Variants in MACROD2 observed in about 807,000 individuals in gnomAD.
MACROD2 encodes ADP-ribose glycohydrolase MACROD2.
MACROD2 carries 36 observed loss-of-function variants against 70.4 expected under a neutral mutation model. The observed-to-expected ratio is 0.51, with a 90% confidence interval of 0.39 to 0.68. MACROD2 has a LOEUF of 0.68. Among genes scored for constraint, MACROD2 ranks in the 30% least tolerant of loss-of-function variants. The pLI is 0.00. For missense variants in MACROD2, 496 were observed against 538.4 expected (o/e 0.92, Z 0.78); for synonymous variants, 172 against 178.8 (o/e 0.96, Z 0.30).
intron 3 of MACROD2, among the ~76,000 whole-genome samples, chr20:14,443,634 T>C (rs1046779467): frequency 1.3e-5 from 2 of 152,098 alleles, no homozygotes; most frequent in African/African-American, 4.8e-5. Context: ...GAAAGGGTAT[T>C]CAGCTTCTTT....
chr20:14,744,568 G>T (rs374150833), intron 5 of MACROD2, among the ~76,000 whole-genome samples: 1 of 151,840 alleles, frequency 6.6e-6, no homozygotes, highest in Non-Finnish European at 1.5e-5. Flanking sequence ...AGAAAATGGC[G>T]GTCATAGTTC....
Position 14,002,407 on chromosome 20 carries a change from A to G in MACROD2, c.163+3A>G, listed in dbSNP as rs758862585. The G allele has an allele frequency of 6.4e-7, 1 of 1,564,958 alleles. No homozygotes were observed. The highest frequency in any genetic ancestry group is 8.7e-7 in the Non-Finnish European group (1 of 1,149,676). On this transcript the variant is annotated splice_donor_region_variant and intron_variant, in intron 2 of 17. Coordinates refer to ENST00000684519, the MANE Select transcript of MACROD2 (RefSeq NM_001351661.2). Reference sequence around the variant, plus strand: ...GAAGGGCAAGGGCCAAAATGATGGTAAGTTTCTCGGAACATTTTTTAGGTA... The same window carrying G: ...GAAGGGCAAGGGCCAAAATGATGGTGAGTTTCTCGGAACATTTTTTAGGTA...
At chr20:15,978,589 T>TCTC (rs1221668406) in intron 13 of MACROD2, among the ~76,000 whole-genome samples, 1 of 87,862 alleles carries the variant, frequency 1.1e-5, no homozygotes, top group Non-Finnish European at 2.9e-5. Flanking sequence ...TGGGTCTCTC[T>TCTC]CTCTCTCTCT....
intron 8 of MACROD2, among the ~76,000 whole-genome samples, chr20:15,725,878 G>A (rs1468352547): frequency 2.0e-5 from 3 of 151,612 alleles, no homozygotes; most frequent in African/African-American, 4.8e-5. Flanking sequence ...TAAGTTGCAG[G>A]AACATCTGCG....
chr20:14,613,628 C>T (rs541070030), intron 4 of MACROD2, among the ~76,000 whole-genome samples: 17 of 152,196 alleles, frequency 1.1e-4, no homozygotes, highest in African/African-American at 3.9e-4. Flanking sequence ...CAGTGTTTTC[C>T]TCTGGCTCAC....
chr20:15,790,510 A>G (rs1467884805), intron 8 of MACROD2, among the ~76,000 whole-genome samples: 7 of 151,926 alleles, frequency 4.6e-5, no homozygotes, highest in Non-Finnish European at 1.0e-4. Flanking sequence ...ATAATTGAGA[A>G]GAGAAATGAG....
At chr20:14,478,225 T>C (rs1157564827) in intron 3 of MACROD2, among the ~76,000 whole-genome samples, 2 of 152,162 alleles carry the variant, frequency 1.3e-5, no homozygotes, top group Non-Finnish European at 2.9e-5. Flanking sequence ...TTGTCTTGAG[T>C]TGGGGCAAGG....
At chr20:14,971,449 G>GA (rs1016840767) in intron 5 of MACROD2, among the ~76,000 whole-genome samples, 1 of 146,208 alleles carries the variant, frequency 6.8e-6, no homozygotes, top group Non-Finnish European at 1.5e-5. Flanking sequence ...TAGGTAAAGG[G>GA]AGGGGGGGGA....
chr20:15,092,275 A>G (rs2075798178), intron 5 of MACROD2, among the ~76,000 whole-genome samples: 1 of 151,748 alleles, frequency 6.6e-6, no homozygotes, highest in African/African-American at 2.4e-5. Flanking sequence ...GTGGGTTAAC[A>G]ATAAAAATTT....
At chr20:15,970,022 T>G (rs141123186) in intron 13 of MACROD2, among the ~76,000 whole-genome samples, 3 of 152,068 alleles carry the variant, frequency 2.0e-5, no homozygotes, top group African/African-American at 7.2e-5. Context: ...TAAAAAGCTA[T>G]CTTCAAGCAC....
chr20:14,871,973 T>G (rs1568846821), intron 5 of MACROD2, among the ~76,000 whole-genome samples: 1 of 152,138 alleles, frequency 6.6e-6, no homozygotes, highest in Non-Finnish European at 1.5e-5. Flanking sequence ...AAGATCTAAC[T>G]ATGCTAAATA....
At chr20:14,470,691 G>A (rs867006933) in intron 3 of MACROD2, among the ~76,000 whole-genome samples, 1 of 152,154 alleles carries the variant, frequency 6.6e-6, no homozygotes, top group African/African-American at 2.4e-5. Context: ...ACTCTGCCCA[G>A]TTCAGACTTC....
chr20:14,251,529 A>C (rs1463710057), intron 3 of MACROD2, among the ~76,000 whole-genome samples: 1 of 152,100 alleles, frequency 6.6e-6, no homozygotes, highest in Non-Finnish European at 1.5e-5. Flanking sequence ...ACAGTCAATT[A>C]TAATATTTCT....
At chr20:14,723,734 C>T (rs372667672) in intron 5 of MACROD2, among the ~76,000 whole-genome samples, 10 of 151,700 alleles carry the variant, frequency 6.6e-5, no homozygotes, top group African/African-American at 1.9e-4. Context: ...CGGCTTTTCA[C>T]AAAAATTATG....
chr20:14,518,807 T>A lies in MACROD2; in HGVS notation c.301+25299T>A, dbSNP rs529518198. Reference sequence around the variant, plus strand: ...TATATCAGCACTCATAGGATATAATTCACATGAAATTATGCAGTTAAGAGA... The same window carrying A: ...TATATCAGCACTCATAGGATATAATACACATGAAATTATGCAGTTAAGAGA... On this transcript the variant is annotated intron_variant, in intron 4 of 17. Coordinates refer to ENST00000684519, the MANE Select transcript of MACROD2 (RefSeq NM_001351661.2). Among the ~76,000 whole-genome samples the A allele has an allele frequency of 7.9e-5, 12 of 152,274 alleles. No individual in the cohort carries two copies. In the East Asian group the frequency reaches 2.3e-3, roughly 29 times the overall value.
intron 5 of MACROD2, among the ~76,000 whole-genome samples, chr20:15,133,874 A>G (rs6043107): frequency 0.61 from 90,735 of 149,628 alleles, 27,754 homozygotes; most frequent in African/African-American, 0.69. Flanking sequence ...TAGCTGTAGT[A>G]TATACAATTA....
At chr20:15,493,993 T>C (rs2047263274) in intron 7 of MACROD2, among the ~76,000 whole-genome samples, 1 of 152,244 alleles carries the variant, frequency 6.6e-6, no homozygotes, top group African/African-American at 2.4e-5. Flanking sequence ...CTTGATGGTC[T>C]GCTGACAGAA....
chr20:14,971,961 C>T (rs2074695930), intron 5 of MACROD2, among the ~76,000 whole-genome samples: 1 of 152,142 alleles, frequency 6.6e-6, no homozygotes. Context: ...GCTTGCTTGT[C>T]TATGTCTGCA....
intron 7 of MACROD2, among the ~76,000 whole-genome samples, chr20:15,446,935 A>C (rs2046573708): frequency 6.6e-6 from 1 of 152,154 alleles, no homozygotes. Flanking sequence ...GCCAGGATAA[A>C]ACAGTGATAT....
Sources: gnomAD v4.1 joint callset for allele counts (sites outside exome capture counted in the v4.1 genomes callset) on GRCh38, gnomAD v4.1.1 for gene constraint, MANE v1.5 for transcripts, NCBI Gene and HGNC (gene_info 2026-07-23, HGNC 2026-07-21) for gene names.